The following ZKSCAN7 variants were observed in gnomAD, a reference collection of about 807,000 sequenced individuals.
ZKSCAN7 encodes the protein zinc finger protein with KRAB and SCAN domains 7.
Under a neutral mutation model 65.3 loss-of-function variants are expected in ZKSCAN7, and 38 were observed. The observed-to-expected ratio is 0.58, with a 90% CI of 0.45 to 0.76. The LOEUF is 0.76. ZKSCAN7 is among the 30% of genes least tolerant of loss of function. The pLI is 0.00. For synonymous variants in ZKSCAN7, 321 were observed against 321.0 expected (o/e 1.00, Z 0.00); for missense variants, 815 against 913.3 (o/e 0.89, Z 1.39).
At chr3:44,564,665 A>G (rs1699577966) in intron 2 of ZKSCAN7, among the ~76,000 whole-genome samples, 1 of 152,238 alleles carries the variant, frequency 6.6e-6, no homozygotes, top group Admixed American at 6.5e-5. Flanking sequence ...CTCTCCTGGT[A>G]TGCCAGCCAC....
intron 2 of ZKSCAN7, among the ~76,000 whole-genome samples, chr3:44,560,820 C>A (rs1699455955): frequency 6.6e-6 from 1 of 152,122 alleles, no homozygotes; most frequent in South Asian, 2.1e-4. Context: ...TTTCCTGTAT[C>A]TTTTTTCATC....
At chr3:44,558,482 G>A (rs1041428996) in intron 2 of ZKSCAN7, among the ~76,000 whole-genome samples, 2 of 149,988 alleles carry the variant, frequency 1.3e-5, no homozygotes, top group African/African-American at 4.9e-5. Context: ...CCAAGATCAC[G>A]CCACTGCACT....
At position 44,557,124 on chromosome 3, in the gene ZKSCAN7, C is replaced by A; in HGVS notation, c.77C>A (p.Thr26Asn). The A allele has an allele frequency of 6.2e-7, 1 of 1,614,252 alleles. No individual in the cohort carries two copies. The highest frequency in any genetic ancestry group is 8.5e-7 in the Non-Finnish European group (1 of 1,180,044). ...TAFQKQEGRL[T>N]VKQEPANQTW... ...TTCCAGAAGCAAGAGGGGCGCCTGA[C>A]TGTGAAGCAGGAGCCAGCAAACCAG... The change falls in exon 2 of 6, where the codon ACT (threonine) becomes AAT (asparagine). Residue 26 changes from threonine (T) to asparagine (N), a missense_variant. Around this residue, in one of 3 missense-constraint regions of ZKSCAN7, gnomAD observed 227 missense variants for 253.3 expected, o/e 0.90. Coordinates refer to ENST00000426540, the MANE Select transcript of ZKSCAN7 (RefSeq NM_001288590.2).
intron 5 of ZKSCAN7, chr3:44,578,295 G>A: frequency 1.9e-6 from 3 of 1,584,494 alleles, no homozygotes; most frequent in Non-Finnish European, 2.6e-6. Context: ...TTCAGGTACT[G>A]TATTTCCGAT....
intron 2 of ZKSCAN7, among the ~76,000 whole-genome samples, chr3:44,559,144 A>G (rs191279092): frequency 1.3e-5 from 2 of 151,696 alleles, no homozygotes; most frequent in Admixed American, 1.3e-4. Context: ...AATCAGGCTC[A>G]TGCATTCATC....
chr3:44,555,345 C>G lies in ZKSCAN7; in HGVS notation c.-255C>G, dbSNP rs534640558. The G allele has an allele frequency of 6.6e-6, 1 of 152,378 alleles. No individual in the cohort carries two copies. The highest frequency in any genetic ancestry group is 1.5e-5 in the Non-Finnish European group (1 of 68,044). 9.4% of individuals were successfully genotyped at this position (152,378 alleles called of 1,614,324 possible). A position where few individuals can be genotyped will look rare whatever the true frequency, so the allele number is the denominator to read the frequency against. ...CCAGGACCGCGCTTCTTCCCGGCGG[C>G]AGGCGGCGCGGTCCCCGTGACTCTC... On this transcript the variant is annotated 5_prime_UTR_variant, in exon 1 of 6. Coordinates refer to ENST00000426540, the MANE Select transcript of ZKSCAN7 (RefSeq NM_001288590.2).
intron 2 of ZKSCAN7, among the ~76,000 whole-genome samples, chr3:44,558,781 C>CTTTTTTTTTT (rs1559422610): frequency 1.3e-5 from 1 of 74,334 alleles, no homozygotes; most frequent in African/African-American, 5.6e-5. Flanking sequence ...CTTTCTTCTT[C>CTTTTTTTTTT]ATTTTTTTTT....
rs559888759 is a variant in ZKSCAN7, at chr3:44,561,382, C to T, written c.423+3912C>T. ...CCAGTCATCTCCCACCAGGCCCCTC[C>T]TCCAATTCGTTGTGAGATTTGGGTG... On this transcript the variant is annotated intron_variant, in intron 2 of 5. Coordinates refer to ENST00000426540, the MANE Select transcript of ZKSCAN7 (RefSeq NM_001288590.2). Among the ~76,000 whole-genome samples, 7 of 152,292 alleles carry T rather than the reference C, an allele frequency of 4.6e-5. 1 individual carries two copies. Among genetic ancestry groups the T allele is most frequent in the African/African-American group, 1.7e-4 (7 of 41,566 alleles).
intron 5 of ZKSCAN7, chr3:44,580,795 C>G: frequency 1.2e-6 from 2 of 1,612,812 alleles, no homozygotes; most frequent in Non-Finnish European, 1.7e-6. Context: ...AGGCCATGCT[C>G]GTAAAGGATG....
intron 3 of ZKSCAN7, among the ~76,000 whole-genome samples, chr3:44,567,565 G>A (rs975336080): frequency 6.6e-6 from 1 of 152,208 alleles, no homozygotes; most frequent in Admixed American, 6.5e-5. Flanking sequence ...TGTCCATAAT[G>A]AGAGGGCAGG....
At chr3:44,581,742 A>ATACT (rs1157108639) in intron 5 of ZKSCAN7, among the ~76,000 whole-genome samples, 2 of 152,230 alleles carry the variant, frequency 1.3e-5, no homozygotes, top group African/African-American at 4.8e-5. Flanking sequence ...TGGGAGTGGT[A>ATACT]TACTTACTCA....
In ZKSCAN7 at chr3:44,571,571, CAT is replaced by C. The variant is rs771974272; in HGVS notation, c.*197_*198del. On this transcript the variant is annotated 3_prime_UTR_variant, in exon 6 of 6. Transcript: ENST00000426540. ...CATTATTAGGAAGGTAAGGACTACA[CAT>C]GTCATTGAATTGTAGGTTTCCTTTT... 35 of 1,411,912 alleles carry C rather than the reference CAT, an allele frequency of 2.5e-5. No homozygotes were observed. The highest frequency in any genetic ancestry group is 2.9e-5 in the Non-Finnish European group (32 of 1,086,782). The allele number at this position is 1,411,912 out of a possible 1,614,324, so 87.5% of individuals were successfully genotyped here.
Position 44,557,189 on chromosome 3 carries a change from C to T in ZKSCAN7, c.142C>T (p.Pro48Ser). The T allele has an allele frequency of 6.2e-7, 1 of 1,614,276 alleles. No individual in the cohort carries two copies. Among genetic ancestry groups the T allele is most frequent in the Non-Finnish European group, 8.5e-7 (1 of 1,180,050 alleles). The change falls in exon 2 of 6, where the codon CCT becomes TCT. Residue 48 changes from proline (P) to serine (S), a missense_variant. By Grantham distance (74) the Pro-to-Ser change is moderately conservative (BLOSUM62 -1). Around this residue, in one of 3 missense-constraint regions of ZKSCAN7, gnomAD observed 227 missense variants for 253.3 expected, o/e 0.90. Transcript: ENST00000426540. ...CAGCAGTCTCCAGAAGAACTATCCT[C>T]CTGTCTGCGAAATCTTCCGGCTACA... ...QGSSLQKNYP[P>S]VCEIFRLHFR...
downstream of ZKSCAN7, among the ~76,000 whole-genome samples, chr3:44,573,715 A>T (rs1166746303): frequency 6.6e-6 from 1 of 152,146 alleles, no homozygotes; most frequent in African/African-American, 2.4e-5. Flanking sequence ...TGAGCTGGAC[A>T]TTTCTGGTTA....
At chr3:44,558,360 A>T (rs1699360911) in intron 2 of ZKSCAN7, among the ~76,000 whole-genome samples, 1 of 152,064 alleles carries the variant, frequency 6.6e-6, no homozygotes, top group Admixed American at 6.5e-5. Flanking sequence ...CCCCATTGCT[A>T]CTAAAAATAC....
At chr3:44,559,703 A>C (rs917958853) in intron 2 of ZKSCAN7, among the ~76,000 whole-genome samples, 1 of 152,248 alleles carries the variant, frequency 6.6e-6, no homozygotes, top group African/African-American at 2.4e-5. Context: ...CTGGAATTAC[A>C]GGTGTGAGCC....
Position 44,571,177 on chromosome 3 carries a change from A to C in ZKSCAN7, c.2067A>C (p.Lys689Asn), listed in dbSNP as rs1440034322. The change falls in exon 6 of 6, where the codon AAA (lysine) becomes AAC (asparagine). Residue 689 changes from lysine to asparagine, a missense_variant. This residue lies in a region of ZKSCAN7 where 578 missense variants were observed against 629.5 expected (regional missense o/e 0.92). Transcript: ENST00000426540. ...MVHQRTHTGE[K>N]PYKCNDCGKA... is the part of the protein sequence containing the mutation. ...ATCAGAGAACCCATACTGGGGAAAA[A>C]CCCTATAAATGCAATGATTGTGGGA... 6.2e-7 allele frequency: 1 copy of C among 1,614,044 alleles called. No homozygotes were observed. Among genetic ancestry groups the C allele is most frequent in the Admixed American group, 1.7e-5 (1 of 60,012 alleles).
chr3:44,567,115 AAGAG>A lies in ZKSCAN7; in HGVS notation c.593-783_593-780del, dbSNP rs560493249. On this transcript the variant is annotated intron_variant, in intron 3 of 5. Coordinates refer to ENST00000426540, the MANE Select transcript of ZKSCAN7 (RefSeq NM_001288590.2). ...GAGTGAGACTCTGTCTCAAAACAAAAAGAGAGAGAGAGAGAGAAAGAGAAAGAAA... is the reference window on the plus strand; with the variant it reads ...GAGTGAGACTCTGTCTCAAAACAAAAAGAGAGAGAGAGAAAGAGAAAGAAA... Among the ~76,000 whole-genome samples, 547 of 145,500 alleles carry A rather than the reference AAGAG, an allele frequency of 3.8e-3. 1 individual carries two copies. The highest frequency in any genetic ancestry group is 4.9e-3 in the Non-Finnish European group (324 of 66,264).
chr3:44,567,545 T>C (rs918270226), intron 3 of ZKSCAN7, among the ~76,000 whole-genome samples: 6 of 151,994 alleles, frequency 3.9e-5, no homozygotes, highest in Non-Finnish European at 7.4e-5. Flanking sequence ...AGGGCCTGAG[T>C]TGCAAGGAGT....
Sources: gnomAD v4.1 joint callset for allele counts (sites outside exome capture counted in the v4.1 genomes callset) on GRCh38, gnomAD v4.1.1 for gene constraint, gnomAD v4.1.1 regional missense constraint, MANE v1.5 for transcripts, NCBI Gene and HGNC (gene_info 2026-07-23, HGNC 2026-07-21) for gene names.